Variants in ARHGEF12 observed in about 807,000 individuals in gnomAD.
The protein encoded by ARHGEF12 is Rho guanine nucleotide exchange factor 12.
ARHGEF12 carries 66 observed loss-of-function variants against 211.2 expected under a neutral mutation model. That is an observed-to-expected ratio of 0.31 (90% CI 0.26 to 0.38). The LOEUF is 0.38. Among genes scored for constraint, ARHGEF12 ranks in the 10% least tolerant of loss-of-function variants. ARHGEF12 has a pLI of 1.00. For synonymous variants in ARHGEF12, 592 were observed against 638.4 expected (o/e 0.93, Z 1.09); for missense variants, 1,429 against 1,869.5 (o/e 0.76, Z 4.34).
At chr11:120,393,072 G>A (rs1342723674) in intron 1 of ARHGEF12, among the ~76,000 whole-genome samples, 1 of 152,322 alleles carries the variant, frequency 6.6e-6, no homozygotes, top group South Asian at 2.1e-4. Flanking sequence ...CAATAAAAAT[G>A]TATGGAATGA....
At position 120,488,626 on chromosome 11, in the gene ARHGEF12, T is replaced by A. The variant is rs1947458857; in HGVS notation, c.*3549T>A. 4.5e-6 allele frequency: 1 copy of A among 220,710 alleles called. No individual in the cohort carries two copies. Among genetic ancestry groups the A allele is most frequent in the Admixed American group, 5.8e-5 (1 of 17,310 alleles). The allele number at this position is 220,710 out of a possible 1,614,324, so 13.7% of individuals were successfully genotyped here. On this transcript the variant is annotated 3_prime_UTR_variant, in exon 41 of 41. Coordinates refer to ENST00000397843, the MANE Select transcript of ARHGEF12 (RefSeq NM_015313.3). ...CTAGAAGGAAGCCTTCCCCACCATT[T>A]CCAGGTGCCAACTGCTAAGCAGATA...
At chr11:120,412,967 T>A (rs1944931687) in intron 4 of ARHGEF12, among the ~76,000 whole-genome samples, 1 of 152,232 alleles carries the variant, frequency 6.6e-6, no homozygotes. Flanking sequence ...TTTATTAGAC[T>A]ATTATAATAG....
intron 23 of ARHGEF12, 126 bp downstream of exon 23, chr11:120,457,376 G>A: frequency 8.7e-7 from 1 of 1,151,896 alleles, no homozygotes; most frequent in Non-Finnish European, 1.2e-6. Flanking sequence ...TATAATGCCA[G>A]CTACTTGGGA....
chr11:120,353,977 G>C (rs905357859), intron 1 of ARHGEF12, among the ~76,000 whole-genome samples: 1 of 152,166 alleles, frequency 6.6e-6, no homozygotes, highest in Non-Finnish European at 1.5e-5. Flanking sequence ...ATCACAGCAG[G>C]ATACAGAGCC....
At chr11:120,398,399 T>C (rs757596382) in intron 1 of ARHGEF12, among the ~76,000 whole-genome samples, 2 of 152,200 alleles carry the variant, frequency 1.3e-5, no homozygotes, top group Non-Finnish European at 2.9e-5. Context: ...CTGATAAGGG[T>C]ATATCCCACT....
intron 1 of ARHGEF12, chr11:120,337,952 G>A (rs904404193): frequency 1.0e-6 from 1 of 961,572 alleles, no homozygotes; most frequent in Non-Finnish European, 1.2e-6. Context: ...GATATAAGCC[G>A]TAAGCATAGT....
At chr11:120,459,127 G>A (rs1287386134) in intron 25 of ARHGEF12, 47 bp from the exon 26 acceptor site, 1 of 1,471,230 alleles carries the variant, frequency 6.8e-7, no homozygotes, top group Non-Finnish European at 9.1e-7. Flanking sequence ...TTGATCCCAT[G>A]GAATTGTTCT....
chr11:120,455,486 T>A (rs938987614), intron 22 of ARHGEF12, among the ~76,000 whole-genome samples: 2 of 152,204 alleles, frequency 1.3e-5, no homozygotes, highest in African/African-American at 4.8e-5. Flanking sequence ...CCATCCAAGC[T>A]ATTCATCAAA....
Position 120,475,526 on chromosome 11 carries a change from G to A in ARHGEF12, c.3277+19G>A, listed in dbSNP as rs528200230. 1 of 1,609,496 alleles carries A rather than the reference G, an allele frequency of 6.2e-7. No individual in the cohort carries two copies. Among genetic ancestry groups the A allele is most frequent in the Non-Finnish European group, 8.5e-7 (1 of 1,176,776 alleles). Reference sequence around the variant, plus strand: ...GCAACAGGCAAGTATGTCCACTGAAGGATACTAATTTCCAGATTCATTGTG... The same window carrying A: ...GCAACAGGCAAGTATGTCCACTGAAAGATACTAATTTCCAGATTCATTGTG... On this transcript the variant is annotated intron_variant, in intron 33 of 40. Transcript: ENST00000397843.
chr11:120,406,043 T>C (rs1452111382), intron 1 of ARHGEF12, 75 bp from the exon 2 acceptor site: 1 of 1,106,724 alleles, frequency 9.0e-7, no homozygotes, highest in Non-Finnish European at 1.3e-6. Flanking sequence ...TCTGGTTCAG[T>C]AGGATGAATA....
chr11:120,445,287 G>A (rs898957202), intron 15 of ARHGEF12, 135 bp from the exon 16 acceptor site: 1 of 806,946 alleles, frequency 1.2e-6, no homozygotes, highest in Non-Finnish European at 2.1e-6. Context: ...AAATGTGAAT[G>A]AATAAATGAG....
chr11:120,443,077 A>G (rs1278976721), intron 15 of ARHGEF12, among the ~76,000 whole-genome samples: 1 of 147,960 alleles, frequency 6.8e-6, no homozygotes, highest in African/African-American at 2.5e-5. Flanking sequence ...GCTGGAGCAC[A>G]GTGGCACGAT....
intron 13 of ARHGEF12, 124 bp downstream of exon 13, chr11:120,440,345 A>C (rs9666441): frequency 3.9e-6 from 3 of 779,202 alleles, no homozygotes; most frequent in Non-Finnish European, 6.2e-6. Flanking sequence ...AAATCTTAGA[A>C]CCAATAGCTC....
intron 1 of ARHGEF12, among the ~76,000 whole-genome samples, chr11:120,338,454 C>T (rs1942424610): frequency 6.6e-6 from 1 of 152,210 alleles, no homozygotes; most frequent in South Asian, 2.1e-4. Context: ...TCCAGCATCA[C>T]ATGAATGTTC....
intron 39 of ARHGEF12, among the ~76,000 whole-genome samples, chr11:120,483,343 C>T (rs1015463710): frequency 2.7e-5 from 4 of 149,432 alleles, no homozygotes; most frequent in Non-Finnish European, 4.4e-5. Context: ...TCACTGCAAC[C>T]TCTGCCTCCC....
intron 1 of ARHGEF12, among the ~76,000 whole-genome samples, chr11:120,380,791 G>A (rs1943856923): frequency 6.6e-6 from 1 of 152,046 alleles, no homozygotes. Flanking sequence ...AGGAAGATTT[G>A]GATCTTTCCC....
At chr11:120,359,595 G>T (rs566955680) in intron 1 of ARHGEF12, among the ~76,000 whole-genome samples, 7 of 152,280 alleles carry the variant, frequency 4.6e-5, no homozygotes, top group Admixed American at 3.3e-4. Context: ...GAATATCTGG[G>T]TACAAATATC....
intron 1 of ARHGEF12, among the ~76,000 whole-genome samples, chr11:120,386,676 A>G (rs1480795945): frequency 6.6e-6 from 1 of 152,114 alleles, no homozygotes; most frequent in Admixed American, 6.5e-5. Flanking sequence ...TAAGTATTGC[A>G]GTGTTATATA....
Position 120,481,531 on chromosome 11 carries a change from C to A in ARHGEF12, c.4509C>A (p.Ile1503=). The change falls in exon 39 of 41, where the codon ATC becomes ATA. Residue 1503 remains isoleucine (I), a synonymous_variant. Coordinates refer to ENST00000397843, the MANE Select transcript of ARHGEF12 (RefSeq NM_015313.3). ...CTTGTGCAGATTCACAGAGCCAGAT[C>A]ATGGAGTACATTCATAAGATAGAGG... ...PSSCADSQSQ[I]MEYIHKIEAD... 6.2e-7 allele frequency: 1 copy of A among 1,614,178 alleles called. No individual in the cohort carries two copies. Among genetic ancestry groups the A allele is most frequent in the Non-Finnish European group, 8.5e-7 (1 of 1,180,032 alleles).
Sources: allele counts gnomAD v4.1 joint callset (sites outside exome capture counted in the v4.1 genomes callset), GRCh38; gene constraint gnomAD v4.1.1; transcripts MANE v1.5; gene names NCBI Gene and HGNC (gene_info 2026-07-23, HGNC 2026-07-21).